EPS15L1: variants seen among roughly 807,000 people sequenced by gnomAD.
EPS15L1 encodes epidermal growth factor receptor substrate 15-like 1.
EPS15L1 carries 43 observed loss-of-function variants against 117.1 expected under a neutral mutation model. The ratio of observed to expected loss-of-function variants is 0.37; its 90% CI spans 0.29 to 0.47. The LOEUF (loss-of-function observed/expected upper bound fraction) is 0.47, where lower values mean the gene tolerates loss of function less well. Among genes scored for constraint, EPS15L1 ranks in the 20% least tolerant of loss-of-function variants. The probability of loss-of-function intolerance (pLI) is 0.99; values close to 1 mark genes in which losing one functional copy is unlikely to be tolerated. For missense variants in EPS15L1, 981 were observed against 1,164.0 expected (o/e 0.84, Z 2.29); for synonymous variants, 459 against 470.5 (o/e 0.98, Z 0.32).
intron 1 of EPS15L1, among the ~76,000 whole-genome samples, chr19:16,460,914 C>T (rs139231916): frequency 0.02 from 2,972 of 152,242 alleles, 42 homozygotes; most frequent in Non-Finnish European, 0.033. Flanking sequence ...CAAGTTTTTT[C>T]GTGTTTCATC....
Position 16,361,810 on chromosome 19 carries a change from G to T in EPS15L1, c.2555C>A (p.Ala852Asp). 6.2e-7 allele frequency: 1 copy of T among 1,613,956 alleles called. No homozygotes were observed. The highest frequency in any genetic ancestry group is 8.5e-7 in the Non-Finnish European group (1 of 1,179,972). ...VPSSAAKPSK[A>D]SASGFADFTS... ...GAAGTCTGCAAAGCCCGAGGCAGAG[G>T]CCTTAGAAGGTTTAGCTGCAGAGGA... The change falls in exon 23 of 24, where the codon GCC becomes GAC. Residue 852 changes from alanine to aspartate, a missense_variant. Physicochemically the swap from Ala to Asp is moderately radical, Grantham distance 126. This residue lies in a region of EPS15L1 where 819 missense variants were observed against 949.0 expected (regional missense o/e 0.86). Transcript: ENST00000455140.
chr19:16,471,130 G>C lies in EPS15L1; in HGVS notation c.33+783C>G, dbSNP rs1481114868. On this transcript the variant is annotated intron_variant, in intron 1 of 23. Coordinates refer to ENST00000455140, the MANE Select transcript of EPS15L1 (RefSeq NM_001258374.3). This position sits in a 1 kb window ranked among gnomAD's most constrained non-coding sequence, Gnocchi z 4.8. ...AGGTATTCAGCAAATAAAGGCAGCTGTGATTAGCATAACACAGGTAGTTTC... is the reference window on the plus strand; with the variant it reads ...AGGTATTCAGCAAATAAAGGCAGCTCTGATTAGCATAACACAGGTAGTTTC... 6.6e-6 allele frequency among the ~76,000 whole-genome samples: 1 copy of C among 152,196 alleles called. No homozygotes were observed. The highest frequency in any genetic ancestry group is 1.5e-5 in the Non-Finnish European group (1 of 68,036).
Position 16,365,614 on chromosome 19 carries a change from C to T in EPS15L1, c.2381-3630G>A, listed in dbSNP as rs190495766. ...ACCCTGGGGGACAGTGTGACAGTGT[C>T]CTGCACCCCAGCCTGTGGGTTTGCA... On this transcript the variant is annotated intron_variant, in intron 22 of 23. Coordinates refer to ENST00000455140, the MANE Select transcript of EPS15L1 (RefSeq NM_001258374.3). The surrounding 1 kb of genome is among the most constrained non-coding windows in gnomAD (Gnocchi z 4.9). 2.6e-5 allele frequency among the ~76,000 whole-genome samples: 4 copies of T among 152,312 alleles called. No homozygotes were observed. Among genetic ancestry groups the T allele is most frequent in the African/African-American group, 4.8e-5 (2 of 41,558 alleles).
intron 16 of EPS15L1, among the ~76,000 whole-genome samples, chr19:16,398,183 A>G (rs570457190): frequency 9.7e-4 from 148 of 152,330 alleles, no homozygotes; most frequent in African/African-American, 3.4e-3. Context: ...TGGGCTGTGA[A>G]TGAGTGTGAA....
intron 9 of EPS15L1, among the ~76,000 whole-genome samples, chr19:16,424,205 C>T (rs1180872046): frequency 6.6e-6 from 1 of 152,154 alleles, no homozygotes; most frequent in Non-Finnish European, 1.5e-5. Flanking sequence ...AAGAGCATTG[C>T]TGGCCTGGAG....
intron 23 of EPS15L1, 97 bp downstream of exon 23, chr19:16,361,681 AG>A: frequency 6.8e-7 from 1 of 1,472,404 alleles, no homozygotes; most frequent in South Asian, 1.4e-5. Context: ...AAGAGGCTAA[AG>A]AAGCTGGGAG....
At chr19:16,453,671 C>T (rs1351684707) in intron 1 of EPS15L1, among the ~76,000 whole-genome samples, 1 of 151,946 alleles carries the variant, frequency 6.6e-6, no homozygotes, top group African/African-American at 2.4e-5. Context: ...CGACATCGAG[C>T]CACTGCACTC....
chr19:16,471,905 G>T lies in EPS15L1; in HGVS notation c.33+8C>A. The T allele has an allele frequency of 3.1e-6, 4 of 1,303,196 alleles. No individual in the cohort carries two copies. Among genetic ancestry groups the T allele is most frequent in the Non-Finnish European group, 3.9e-6 (4 of 1,026,756 alleles). 80.7% of individuals were successfully genotyped at this position (1,303,196 alleles called of 1,614,324 possible). A position where few individuals can be genotyped will look rare whatever the true frequency, so the allele number is the denominator to read the frequency against. ...CCGGCGCCGCCCCCAGGCCCGCCCG[G>T]CCCGTACCTGCTGGGAGAGGGGGAT... On this transcript the variant is annotated splice_region_variant and intron_variant, in intron 1 of 23. Coordinates refer to ENST00000455140, the MANE Select transcript of EPS15L1 (RefSeq NM_001258374.3). The surrounding 1 kb of genome is among the most constrained non-coding windows in gnomAD (Gnocchi z 4.8).
chr19:16,451,689 C>A (rs879366400), intron 1 of EPS15L1, among the ~76,000 whole-genome samples: 88 of 151,758 alleles, frequency 5.8e-4, no homozygotes, highest in African/African-American at 1.8e-3. Flanking sequence ...CCACCTCACT[C>A]GTCTAATTTT....
chr19:16,402,927 A>C (rs1599586868), intron 15 of EPS15L1, among the ~76,000 whole-genome samples: 1 of 152,172 alleles, frequency 6.6e-6, no homozygotes, highest in Non-Finnish European at 1.5e-5. Context: ...ACAAACTCTA[A>C]GGGTTAGAAG....
At chr19:16,429,448 GA>G (rs1401928295) in intron 7 of EPS15L1, among the ~76,000 whole-genome samples, 1 of 152,200 alleles carries the variant, frequency 6.6e-6, no homozygotes, top group Admixed American at 6.5e-5. Flanking sequence ...CTCTATCCAT[GA>G]TGCTTCATGT....
At chr19:16,360,434 AGC>A (rs1177981809) in intron 23 of EPS15L1, among the ~76,000 whole-genome samples, 1 of 152,112 alleles carries the variant, frequency 6.6e-6, no homozygotes, top group African/African-American at 2.4e-5. Context: ...GGTCACCAAG[AGC>A]CAGAAACAGG....
rs2092383183 is a variant in EPS15L1 at position 16,383,329 on chromosome 19, C to T, written c.2247+1800G>A. The T allele has an allele frequency of 9.2e-5, 14 of 152,200 alleles. No individual in the cohort carries two copies. The highest frequency in any genetic ancestry group is 9.2e-4 in the Admixed American group (14 of 15,274). 9.4% of individuals were successfully genotyped at this position (152,200 alleles called of 1,614,324 possible). On this transcript the variant is annotated intron_variant, in intron 21 of 23. Transcript: ENST00000455140. The surrounding 1 kb of genome is among the most constrained non-coding windows in gnomAD (Gnocchi z 5.2). ...GATCCCGGCCCTAGCTCAGGCTCTG[C>T]TAGCTCTCCCTCCCTCTGCTCACAG...
intron 8 of EPS15L1, among the ~76,000 whole-genome samples, chr19:16,425,650 G>A (rs977803803): frequency 6.6e-6 from 1 of 152,148 alleles, no homozygotes; most frequent in African/African-American, 2.4e-5. Flanking sequence ...AAAGACACCA[G>A]AAGAGAGACC....
rs577515501 is a variant in EPS15L1 at position 16,393,451 on chromosome 19, G to C, written c.1966+500C>G. Among the ~76,000 whole-genome samples, 26 of 151,724 alleles carry C rather than the reference G, an allele frequency of 1.7e-4. No homozygotes were observed. In the South Asian group the frequency reaches 5.4e-3, roughly 32 times the overall value. ...TCACCTGAGGTCAAGAGTGTGAGAC[G>C]AGCCTGGCTAACACGGTGAAACCCC... On this transcript the variant is annotated intron_variant, in intron 18 of 23. Coordinates refer to ENST00000455140, the MANE Select transcript of EPS15L1 (RefSeq NM_001258374.3).
At chr19:16,401,306 T>C (rs2092599166) in intron 16 of EPS15L1, 1 of 985,188 alleles carries the variant, frequency 1.0e-6, no homozygotes, top group Admixed American at 6.2e-5. Context: ...GACTGAGGAC[T>C]TGGCTGCTGA....
chr19:16,441,805 A>T (rs2093034840), intron 3 of EPS15L1, 87 bp downstream of exon 3: 11 of 1,023,652 alleles, frequency 1.1e-5, no homozygotes, highest in African/African-American at 1.6e-5. Context: ...GGCCCCATGG[A>T]AGGAGGCCTG....
chr19:16,394,545 C>T (rs2092519315), intron 17 of EPS15L1, among the ~76,000 whole-genome samples: 1 of 152,210 alleles, frequency 6.6e-6, no homozygotes, highest in Non-Finnish European at 1.5e-5. Flanking sequence ...TGTAGAGAGC[C>T]TTCCTCCTGG....
At chr19:16,359,522 C>T (rs2092023915) in intron 23 of EPS15L1, among the ~76,000 whole-genome samples, 1 of 152,118 alleles carries the variant, frequency 6.6e-6, no homozygotes, top group Admixed American at 6.6e-5. Flanking sequence ...CTGATCATTT[C>T]CTCTGGAAAA....
Sources: gnomAD v4.1 joint callset for allele counts (sites outside exome capture counted in the v4.1 genomes callset) on GRCh38, gnomAD v4.1.1 for gene constraint, gnomAD v4.1.1 regional missense constraint, Gnocchi (gnomAD v3.1) non-coding constraint, MANE v1.5 for transcripts, NCBI Gene and HGNC (gene_info 2026-07-23, HGNC 2026-07-21) for gene names.